ANKRD30BL: variants seen among roughly 807,000 people sequenced by gnomAD.
ANKRD30BL encodes ankyrin repeat domain 30B like, also known as putative ankyrin repeat domain-containing protein 30B-like.
Under a neutral mutation model 18.4 loss-of-function variants are expected in ANKRD30BL, and 20 were observed. That is an observed-to-expected ratio of 1.09 (90% CI 0.77 to 1.58). ANKRD30BL has a LOEUF of 1.58. Among genes scored for constraint, ANKRD30BL ranks in the 40% most tolerant of loss-of-function variants. The pLI, the probability that ANKRD30BL is intolerant of heterozygous loss-of-function variation, is 0.00. For missense variants in ANKRD30BL, 224 were observed against 268.6 expected (o/e 0.83, Z 1.16); for synonymous variants, 72 against 100.9 (o/e 0.71, Z 1.72).
chr2:132,210,753 C>A (rs528800023), intron 1 of ANKRD30BL, among the ~76,000 whole-genome samples: 2 of 150,902 alleles, frequency 1.3e-5, no homozygotes, highest in South Asian at 2.1e-4. Flanking sequence ...TAATTTCTTT[C>A]TGATGTGTGC....
intron 1 of ANKRD30BL, among the ~76,000 whole-genome samples, chr2:132,189,059 A>T (rs952463384): frequency 1.3e-5 from 2 of 152,176 alleles, no homozygotes; most frequent in African/African-American, 2.4e-5. Flanking sequence ...TACAACAATG[A>T]AAGAACCATC....
At chr2:132,202,847 G>T (rs1287385903) in intron 1 of ANKRD30BL, among the ~76,000 whole-genome samples, 2 of 152,152 alleles carry the variant, frequency 1.3e-5, no homozygotes, top group Non-Finnish European at 1.5e-5. Context: ...ACATCGGAAT[G>T]CAACTTAAAA....
chr2:132,162,950 C>G (rs1688113552), upstream of ANKRD30BL, among the ~76,000 whole-genome samples: 1 of 152,154 alleles, frequency 6.6e-6, no homozygotes, highest in Non-Finnish European at 1.5e-5. Context: ...TGGCGGGTCC[C>G]GTTTAGAGGG....
rs1207746593 is a variant in ANKRD30BL, at chr2:132,161,527, T to G, written c.179A>C (p.Lys60Thr). 6.2e-6 allele frequency: 9 copies of G among 1,456,678 alleles called. No individual in the cohort carries two copies. The highest frequency in any genetic ancestry group is 2.5e-5 in the East Asian group (1 of 40,428). The allele number at this position is 1,456,678 out of a possible 1,614,324, so 90.2% of individuals were successfully genotyped here. ...TCTTATGTTCAGGTCCATTGTCGTC[T>G]TCTTCATCATCCTCTCCAGCTTCCA... is the stretch of plus-strand genomic sequence containing the variant. ...QAWKLERMMKKTTMDLNIRDA... is the reference protein window; with the variant it reads ...QAWKLERMMKTTTMDLNIRDA... Residue 60 changes from lysine to threonine, a missense_variant, in exon 1 of 6, where the codon AAG becomes ACG. By Grantham distance (78) the Lys-to-Thr change is moderately conservative. Transcript: ENST00000409867.
At chr2:132,188,134 C>A (rs1169237971) in intron 1 of ANKRD30BL, among the ~76,000 whole-genome samples, 1 of 152,094 alleles carries the variant, frequency 6.6e-6, no homozygotes, top group Admixed American at 6.5e-5. Flanking sequence ...TAAGTATTTT[C>A]TATATGTCTG....
chr2:132,222,627 C>T (rs1175600965), intron 1 of ANKRD30BL, among the ~76,000 whole-genome samples: 1 of 151,802 alleles, frequency 6.6e-6, no homozygotes, highest in Non-Finnish European at 1.5e-5. Context: ...TAAACAGATG[C>T]TTGAAGGCAG....
intron 4 of ANKRD30BL, among the ~76,000 whole-genome samples, chr2:132,151,989 C>G (rs995046647): frequency 1.7e-4 from 26 of 151,892 alleles, no homozygotes; most frequent in African/African-American, 6.3e-4. Flanking sequence ...AAGACAAAAC[C>G]CTACCTTTAT....
At chr2:132,244,848 G>T (rs1680448541) in intron 1 of ANKRD30BL, among the ~76,000 whole-genome samples, 1 of 152,304 alleles carries the variant, frequency 6.6e-6, no homozygotes, top group Non-Finnish European at 1.5e-5. Flanking sequence ...CTTTCCTAGA[G>T]CAGTTTTGGA....
At chr2:132,176,820 T>C (rs1378570092) in intron 1 of ANKRD30BL, among the ~76,000 whole-genome samples, 1 of 152,148 alleles carries the variant, frequency 6.6e-6, no homozygotes. Context: ...GTATTATGCT[T>C]ATGCTTAGGA....
At chr2:132,188,263 C>T (rs981200547) in intron 1 of ANKRD30BL, among the ~76,000 whole-genome samples, 4 of 152,150 alleles carry the variant, frequency 2.6e-5, no homozygotes, top group Admixed American at 1.3e-4. Flanking sequence ...TTTGATTATG[C>T]TACTAAAAAT....
chr2:132,204,854 A>T (rs1027827260), intron 1 of ANKRD30BL, among the ~76,000 whole-genome samples: 3 of 152,342 alleles, frequency 2.0e-5, no homozygotes, highest in African/African-American at 7.2e-5. Context: ...GTCAAATTTG[A>T]GATGCAGGTG....
chr2:132,249,065 G>C (rs1165049282), intron 1 of ANKRD30BL, among the ~76,000 whole-genome samples: 1 of 152,160 alleles, frequency 6.6e-6, no homozygotes, highest in Non-Finnish European at 1.5e-5. Context: ...ACCTCTGTGA[G>C]ATGAATGCAC....
chr2:132,202,714 T>A (rs1050805980), intron 1 of ANKRD30BL, among the ~76,000 whole-genome samples: 11 of 152,312 alleles, frequency 7.2e-5, no homozygotes, highest in Admixed American at 4.6e-4. Context: ...TATGAATATT[T>A]ATATATATAT....
At chr2:132,203,379 G>T (rs1362552342) in intron 1 of ANKRD30BL, among the ~76,000 whole-genome samples, 1 of 152,208 alleles carries the variant, frequency 6.6e-6, no homozygotes, top group East Asian at 1.9e-4. Flanking sequence ...TAAATAACTA[G>T]GGAGGTAAGC....
chr2:132,231,570 G>T (rs1307793388), intron 1 of ANKRD30BL, among the ~76,000 whole-genome samples: 1 of 152,182 alleles, frequency 6.6e-6, no homozygotes, highest in African/African-American at 2.4e-5. Flanking sequence ...GTCAAAGAAA[G>T]GGGTGACAGA....
At chr2:132,210,557 C>T (rs1191500572) in intron 1 of ANKRD30BL, among the ~76,000 whole-genome samples, 1 of 151,910 alleles carries the variant, frequency 6.6e-6, no homozygotes, top group Non-Finnish European at 1.5e-5. Flanking sequence ...AAAAACTGGA[C>T]AGAAGCATTC....
At chr2:132,186,955 T>C (rs1047358000) in intron 1 of ANKRD30BL, among the ~76,000 whole-genome samples, 190 of 152,248 alleles carry the variant, frequency 1.2e-3, no homozygotes, top group African/African-American at 4.2e-3. Context: ...TCTTTTTATA[T>C]GTGCCAGGTT....
At chr2:132,200,629 T>C (rs1402564012) in intron 1 of ANKRD30BL, among the ~76,000 whole-genome samples, 1 of 152,036 alleles carries the variant, frequency 6.6e-6, no homozygotes, top group Non-Finnish European at 1.5e-5. Flanking sequence ...AAACCACTGC[T>C]CAAGGAAATA....
At chr2:132,175,023 A>T (rs1335811770) in intron 1 of ANKRD30BL, among the ~76,000 whole-genome samples, 1 of 152,134 alleles carries the variant, frequency 6.6e-6, no homozygotes, top group South Asian at 2.1e-4. Flanking sequence ...TGAAAATATG[A>T]AGGGGTGGCC....
Sources: gnomAD v4.1 joint callset for allele counts (sites outside exome capture counted in the v4.1 genomes callset) on GRCh38, gnomAD v4.1.1 for gene constraint, MANE v1.5 for transcripts, NCBI Gene and HGNC (gene_info 2026-07-23, HGNC 2026-07-21) for gene names.